Variants in IQCH observed in about 807,000 individuals in gnomAD.
IQCH encodes IQ domain-containing protein H.
In IQCH, 98 loss-of-function variants were observed where a neutral mutation model predicts 117.0. The ratio of observed to expected loss-of-function variants is 0.84; its 90% CI spans 0.71 to 0.99. IQCH has a LOEUF of 0.99. Ranked by LOEUF, IQCH falls within the 50% of genes least tolerant of loss-of-function variation. The pLI, the probability that IQCH is intolerant of heterozygous loss-of-function variation, is 0.00. For synonymous variants in IQCH, 412 were observed against 448.2 expected (o/e 0.92, Z 1.02); for missense variants, 1,102 against 1,243.8 (o/e 0.89, Z 1.72).
In IQCH at chr15:67,261,352, G is replaced by C. The variant is rs200643795; in HGVS notation, c.132G>C (p.Gln44His). 2.7e-4 allele frequency: 426 copies of C among 1,592,250 alleles called. 1 individual carries two copies. The highest frequency in any genetic ancestry group is 2.1e-4 in the Non-Finnish European group (241 of 1,173,528). ...AAAAAGGAGAGACTCTAGACATTCA[G>C]AGTCTTGAAACAGCAATCAAAAGGA... is the stretch of plus-strand genomic sequence containing the variant. ...PEEKGETLDIQSLETAIKRTE... is the reference protein window; with the variant it reads ...PEEKGETLDIHSLETAIKRTE... The change falls in exon 2 of 21, where the codon CAG (glutamine) becomes CAC (histidine). Residue 44 changes from glutamine to histidine, a missense_variant. By Grantham distance (24) the Gln-to-His change is conservative. Transcript: ENST00000335894.
Position 67,327,218 on chromosome 15 carries a change from C to G in IQCH, c.388-9757C>G, listed in dbSNP as rs115145148. Among the ~76,000 whole-genome samples the G allele has an allele frequency of 6.8e-3, 1,035 of 152,250 alleles. 7 individuals are homozygous for G. Among genetic ancestry groups the G allele is most frequent in the African/African-American group, 0.023 (966 of 41,550 alleles). On this transcript the variant is annotated intron_variant, in intron 4 of 20. Transcript: ENST00000335894. ...TCATAAGGAAATTCAGAGACAAAAT[C>G]AAGTAAATATGATTTCTTTTTTCAA...
chr15:67,322,804 C>CA (rs1555449808), intron 4 of IQCH, among the ~76,000 whole-genome samples: 1 of 152,184 alleles, frequency 6.6e-6, no homozygotes, highest in African/African-American at 2.4e-5. Context: ...TTCCCCACCA[C>CA]CAGTTGGGTG....
In IQCH at chr15:67,359,676, G is replaced by A. The variant is rs567879910; in HGVS notation, c.715-171G>A. Among the ~76,000 whole-genome samples the A allele has an allele frequency of 1.6e-4, 24 of 152,360 alleles. No individual in the cohort carries two copies. Among genetic ancestry groups the A allele is most frequent in the Admixed American group, 2.6e-4 (4 of 15,304 alleles). ...CTTGGCAAACAGAGCATCGTTGTCA[G>A]TGTGGGAAAGGTCTTTCTAATTATT... On this transcript the variant is annotated intron_variant, in intron 7 of 20. Transcript: ENST00000335894. This position sits in a 1 kb window ranked among gnomAD's most constrained non-coding sequence, Gnocchi z 4.5.
Position 67,445,719 on chromosome 15 carries a change from G to A in IQCH, c.2506-19408G>A, listed in dbSNP as rs187789468. ...CCCAAAGTGCTGGGATAACAGGCGT[G>A]AGCCACCGCACCTGGCCTGTTTTTT... is the stretch of plus-strand genomic sequence containing the variant. On this transcript the variant is annotated intron_variant, in intron 16 of 20. Transcript: ENST00000335894. The surrounding 1 kb of genome is among the most constrained non-coding windows in gnomAD (Gnocchi z 4.3). Among the ~76,000 whole-genome samples, 940 of 152,278 alleles carry A rather than the reference G, an allele frequency of 6.2e-3. 12 individuals are homozygous for A. The highest frequency in any genetic ancestry group is 0.021 in the African/African-American group (887 of 41,564).
chr15:67,255,953 G>T lies in IQCH; in HGVS notation c.51+1006G>T, dbSNP rs186961866. ...AGTTTAGCCAAACTGCGAAGTCTGAGGGAACGGTCCACAAAAAACTGCCCT... is the reference window on the plus strand; with the variant it reads ...AGTTTAGCCAAACTGCGAAGTCTGATGGAACGGTCCACAAAAAACTGCCCT... On this transcript the variant is annotated intron_variant, in intron 1 of 20. Coordinates refer to ENST00000335894, the MANE Select transcript of IQCH (RefSeq NM_001031715.3). Among the ~76,000 whole-genome samples the T allele has an allele frequency of 6.0e-4, 91 of 152,234 alleles. 1 individual carries two copies. Among genetic ancestry groups the T allele is most frequent in the Non-Finnish European group, 3.8e-4 (26 of 68,034 alleles).
At chr15:67,380,517 G>A (rs904195678) in intron 10 of IQCH, among the ~76,000 whole-genome samples, 1 of 152,132 alleles carries the variant, frequency 6.6e-6, no homozygotes, top group Non-Finnish European at 1.5e-5. Flanking sequence ...TTTCACACTT[G>A]CATAAGTAAT....
intron 3 of IQCH, among the ~76,000 whole-genome samples, chr15:67,269,884 A>C (rs2140451194): frequency 6.6e-6 from 1 of 152,266 alleles, no homozygotes; most frequent in Non-Finnish European, 1.5e-5. Flanking sequence ...CCATTCATCC[A>C]TTGATGGGCA....
intron 3 of IQCH, among the ~76,000 whole-genome samples, chr15:67,265,343 G>A (rs558558255): frequency 1.1e-4 from 16 of 152,316 alleles, no homozygotes; most frequent in Non-Finnish European, 1.5e-4. Flanking sequence ...ACTGGGGCAC[G>A]GAGTTAGTTC....
At chr15:67,306,748 A>G (rs1967317416) in intron 4 of IQCH, 1 of 935,476 alleles carries the variant, frequency 1.1e-6, no homozygotes, top group African/African-American at 1.6e-5. Context: ...ACATATTAAA[A>G]GTGAGACTCA....
At chr15:67,485,350 G>C (rs1472057076) in intron 18 of IQCH, among the ~76,000 whole-genome samples, 1 of 152,106 alleles carries the variant, frequency 6.6e-6, no homozygotes, top group African/African-American at 2.4e-5. Flanking sequence ...AAACAAGCCA[G>C]TAGAAAAAAA....
At chr15:67,477,936 G>A (rs2083245545) in intron 18 of IQCH, among the ~76,000 whole-genome samples, 2 of 152,212 alleles carry the variant, frequency 1.3e-5, no homozygotes, top group East Asian at 3.8e-4. Context: ...AACTTTATAA[G>A]TTATTTACTC....
chr15:67,478,841 T>G (rs1461128716), intron 18 of IQCH, among the ~76,000 whole-genome samples: 1 of 151,922 alleles, frequency 6.6e-6, no homozygotes, highest in African/African-American at 2.4e-5. Context: ...GGAGAATGGC[T>G]TGAACCCAAG....
At chr15:67,499,264 A>G (rs1450537761) in intron 20 of IQCH, among the ~76,000 whole-genome samples, 1 of 124,828 alleles carries the variant, frequency 8.0e-6, no homozygotes, top group African/African-American at 3.0e-5. Context: ...ACACCACTGC[A>G]CTCCAGCTTT....
rs567100874 is a variant in IQCH at position 67,301,065 on chromosome 15, G to C, written c.387+21553G>C. Among the ~76,000 whole-genome samples the C allele has an allele frequency of 1.3e-4, 20 of 152,144 alleles. 1 individual carries two copies. The South Asian group carries it at 3.7e-3, about 28-fold the overall frequency. On this transcript the variant is annotated intron_variant, in intron 4 of 20. Transcript: ENST00000335894. The stretch of plus-strand genomic sequence containing the variant: ...TACCATCAAAAGGAAAGAATACAAA[G>C]TTTAGATTGTCTAGTGACTCAAGAT...
chr15:67,459,491 G>C lies in IQCH; in HGVS notation c.2506-5636G>C, dbSNP rs147720427. Among the ~76,000 whole-genome samples, 9 of 152,348 alleles carry C rather than the reference G, an allele frequency of 5.9e-5. No individual in the cohort carries two copies. Among genetic ancestry groups the C allele is most frequent in the African/African-American group, 2.2e-4 (9 of 41,586 alleles). The stretch of plus-strand genomic sequence containing the variant: ...CTGTCACCAGAAAGAGGCAGAAGCA[G>C]CAGGGGTGAGCAGGCAGCCTCCATC... On this transcript the variant is annotated intron_variant, in intron 16 of 20. Coordinates refer to ENST00000335894, the MANE Select transcript of IQCH (RefSeq NM_001031715.3). The surrounding 1 kb of genome is among the most constrained non-coding windows in gnomAD (Gnocchi z 4.2).
At chr15:67,299,834 A>G (rs1222628181) in intron 4 of IQCH, among the ~76,000 whole-genome samples, 1 of 151,980 alleles carries the variant, frequency 6.6e-6, no homozygotes. Flanking sequence ...GTGCCTGTGT[A>G]CTTTCTTTTA....
chr15:67,346,843 T>C (rs952790423), intron 6 of IQCH, among the ~76,000 whole-genome samples: 1 of 152,124 alleles, frequency 6.6e-6, no homozygotes, highest in Non-Finnish European at 1.5e-5. Context: ...GTTAAAATCT[T>C]ACACATTATG....
In IQCH at chr15:67,481,143, A is replaced by C. The variant is rs1456097807; in HGVS notation, c.2799+5325A>C. Among the ~76,000 whole-genome samples, 2 of 152,210 alleles carry C rather than the reference A, an allele frequency of 1.3e-5. No individual in the cohort carries two copies. Among genetic ancestry groups the C allele is most frequent in the African/African-American group, 2.4e-5 (1 of 41,458 alleles). On this transcript the variant is annotated intron_variant, in intron 18 of 20. Transcript: ENST00000335894. This position sits in a 1 kb window ranked among gnomAD's most constrained non-coding sequence, Gnocchi z 4.1. ...ACCTACTATTAAAACCTCTGAATTA[A>C]AGTATCTCAGAGTATGAATCCAACA...
At chr15:67,446,431 GA>G (rs1382744543) in intron 16 of IQCH, among the ~76,000 whole-genome samples, 1 of 152,176 alleles carries the variant, frequency 6.6e-6, no homozygotes, top group Non-Finnish European at 1.5e-5. Flanking sequence ...GAAAGAGGGG[GA>G]AAAGAGGAAG....
Sources: gnomAD v4.1 joint callset for allele counts (sites outside exome capture counted in the v4.1 genomes callset) on GRCh38, gnomAD v4.1.1 for gene constraint, Gnocchi (gnomAD v3.1) non-coding constraint, MANE v1.5 for transcripts, NCBI Gene and HGNC (gene_info 2026-07-23, HGNC 2026-07-21) for gene names.